The following EPHA4 variants were observed in gnomAD, a reference collection of about 807,000 sequenced individuals.
The protein encoded by EPHA4 is ephrin type-A receptor 4.
EPHA4 carries 19 observed loss-of-function variants against 108.3 expected under a neutral mutation model. That is an observed-to-expected ratio of 0.18 (90% CI 0.12 to 0.26). The LOEUF (loss-of-function observed/expected upper bound fraction) is 0.26. Among genes scored for constraint, EPHA4 ranks in the 10% least tolerant of loss-of-function variants. The pLI is 1.00. For synonymous variants in EPHA4, 449 were observed against 455.5 expected (o/e 0.99, Z 0.18); for missense variants, 917 against 1,254.0 (o/e 0.73, Z 4.06).
chr2:221,532,052 C>T (rs1693536529), intron 3 of EPHA4, among the ~76,000 whole-genome samples: 1 of 152,114 alleles, frequency 6.6e-6, no homozygotes, highest in South Asian at 2.1e-4. Context: ...CTGAGACAAA[C>T]CAAATATGCT....
intron 5 of EPHA4, among the ~76,000 whole-genome samples, chr2:221,462,311 G>A (rs1226719105): frequency 6.6e-6 from 1 of 151,780 alleles, no homozygotes; most frequent in East Asian, 1.9e-4. Context: ...AACCTTTACA[G>A]CAAAATCTCC....
At chr2:221,570,439 C>T (rs1694796246) in intron 1 of EPHA4, among the ~76,000 whole-genome samples, 1 of 152,110 alleles carries the variant, frequency 6.6e-6, no homozygotes, top group African/African-American at 2.4e-5. Context: ...AACGCGGGAT[C>T]CACGATTCCT....
At chr2:221,556,399 C>T (rs1048766817) in intron 3 of EPHA4, among the ~76,000 whole-genome samples, 5 of 151,752 alleles carry the variant, frequency 3.3e-5, no homozygotes, top group Admixed American at 1.3e-4. Context: ...CAGGTTCAAA[C>T]GATTCTCCTG....
At chr2:221,443,679 A>G in intron 9 of EPHA4, 73 bp from the exon 10 acceptor site, 1 of 1,086,684 alleles carries the variant, frequency 9.2e-7, no homozygotes, top group Non-Finnish European at 1.4e-6. Flanking sequence ...GTCTGGGTCT[A>G]AAATTACCAA....
chr2:221,553,863 C>T (rs906943798), intron 3 of EPHA4, among the ~76,000 whole-genome samples: 2 of 152,296 alleles, frequency 1.3e-5, no homozygotes, highest in East Asian at 1.9e-4. Flanking sequence ...AATTACCCAG[C>T]ACTTCATAGT....
At chr2:221,530,009 T>G (rs1381627435) in intron 3 of EPHA4, among the ~76,000 whole-genome samples, 2 of 152,196 alleles carry the variant, frequency 1.3e-5, no homozygotes, top group Non-Finnish European at 2.9e-5. Context: ...TCAAGTGTTA[T>G]GTTAACCGAA....
At chr2:221,445,886 T>C (rs1479364035) in intron 9 of EPHA4, among the ~76,000 whole-genome samples, 1 of 152,036 alleles carries the variant, frequency 6.6e-6, no homozygotes. Flanking sequence ...GGGTAGAGGA[T>C]AAAATAAGAA....
intron 3 of EPHA4, among the ~76,000 whole-genome samples, chr2:221,537,788 G>A (rs947031692): frequency 3.9e-5 from 6 of 151,990 alleles, no homozygotes; most frequent in African/African-American, 1.4e-4. Flanking sequence ...AGATTCCATC[G>A]AAAAGAAGAA....
chr2:221,565,471 T>C (rs773530190), intron 2 of EPHA4, among the ~76,000 whole-genome samples: 7 of 152,180 alleles, frequency 4.6e-5, no homozygotes, highest in Non-Finnish European at 8.8e-5. Context: ...AACAAACATA[T>C]GAATATAATT....
At chr2:221,545,509 C>T (rs529528443) in intron 3 of EPHA4, among the ~76,000 whole-genome samples, 3 of 152,206 alleles carry the variant, frequency 2.0e-5, no homozygotes, top group African/African-American at 4.8e-5. Context: ...GGTGACCACC[C>T]TCCTTTCCTG....
At chr2:221,566,995 A>AAGAAGAAGAAGAAGAAGAAGAAGAAGG (rs1301940554) in intron 2 of EPHA4, among the ~76,000 whole-genome samples, 2 of 139,990 alleles carry the variant, frequency 1.4e-5, no homozygotes, top group African/African-American at 5.4e-5. Context: ...GAAGAAGAAG[A>AAGAAGAAGAAGAAGAAGAAGAAGAAGG]AGAAGAAGAA....
intron 3 of EPHA4, among the ~76,000 whole-genome samples, chr2:221,525,699 GC>G (rs1693302054): frequency 6.6e-6 from 1 of 152,154 alleles, no homozygotes; most frequent in Admixed American, 6.5e-5. Context: ...CTTGGCACCA[GC>G]ACTCAATACA....
At chr2:221,513,995 G>A (rs904724628) in intron 3 of EPHA4, among the ~76,000 whole-genome samples, 5 of 152,056 alleles carry the variant, frequency 3.3e-5, no homozygotes, top group African/African-American at 1.2e-4. Context: ...CCAAAAGCTT[G>A]GGATAACAGA....
At chr2:221,543,066 A>G (rs973629244) in intron 3 of EPHA4, among the ~76,000 whole-genome samples, 21 of 152,334 alleles carry the variant, frequency 1.4e-4, no homozygotes, top group African/African-American at 5.1e-4. Context: ...ATGTGTCTCA[A>G]AACTGAGCCT....
Position 221,434,274 on chromosome 2 carries a change from G to C in EPHA4, c.2364C>G (p.Ile788Met). The change falls in exon 14 of 18, where the codon ATC (isoleucine) becomes ATG (methionine). Residue 788 changes from isoleucine (I) to methionine (M), a missense_variant. Ile to Met is a conservative substitution (Grantham distance 10). Transcript: ENST00000281821. The part of the protein sequence containing the change: ...AYTTRGGKIP[I>M]RWTAPEAIAY... ...CAATTGCTTCTGGCGCAGTCCACCG[G>C]ATAGGAATCTTGCCACCCTGTGAAC... 1 of 1,613,998 alleles carries C rather than the reference G, an allele frequency of 6.2e-7. No homozygotes were observed. The highest frequency in any genetic ancestry group is 8.5e-7 in the Non-Finnish European group (1 of 1,179,950).
chr2:221,431,506 T>A (rs1231894162), intron 14 of EPHA4, among the ~76,000 whole-genome samples: 2 of 152,230 alleles, frequency 1.3e-5, no homozygotes, highest in East Asian at 3.8e-4. Flanking sequence ...TTTGCCAATA[T>A]CATGTATCAG....
At chr2:221,524,117 CA>C (rs912340987) in intron 3 of EPHA4, among the ~76,000 whole-genome samples, 2 of 152,140 alleles carry the variant, frequency 1.3e-5, no homozygotes, top group Non-Finnish European at 2.9e-5. Context: ...TTGCAGAGGG[CA>C]ATGCAAAGTT....
intron 14 of EPHA4, among the ~76,000 whole-genome samples, chr2:221,431,672 T>G (rs528316666): frequency 6.6e-6 from 1 of 152,304 alleles, no homozygotes; most frequent in East Asian, 1.9e-4. Flanking sequence ...GATGAGAACA[T>G]TTTGCACTGA....
chr2:221,529,961 A>G (rs1693457490), intron 3 of EPHA4, among the ~76,000 whole-genome samples: 1 of 152,218 alleles, frequency 6.6e-6, no homozygotes, highest in African/African-American at 2.4e-5. Context: ...ACCACCCAAG[A>G]AAAAGAGAGA....
Sources: allele counts gnomAD v4.1 joint callset (sites outside exome capture counted in the v4.1 genomes callset), GRCh38; gene constraint gnomAD v4.1.1; transcripts MANE v1.5; gene names NCBI Gene and HGNC (gene_info 2026-07-23, HGNC 2026-07-21).